Variants in XPR1 observed in about 807,000 individuals in gnomAD.
XPR1 encodes the protein solute carrier family 53 member 1.
In XPR1, 28 loss-of-function variants were observed where a neutral mutation model predicts 87.5. The observed-to-expected ratio is 0.32, with a 90% confidence interval of 0.24 to 0.44. The LOEUF (loss-of-function observed/expected upper bound fraction) is 0.44, where lower values mean the gene tolerates loss of function less well. Ranked by LOEUF, XPR1 falls within the 20% of genes least tolerant of loss-of-function variation. The pLI, the probability that XPR1 is intolerant of heterozygous loss-of-function variation, is 1.00. For synonymous variants in XPR1, 300 were observed against 306.1 expected (o/e 0.98, Z 0.21); for missense variants, 559 against 862.3 (o/e 0.65, Z 4.41).
At chr1:180,773,955 T>G (rs1267675228) in intron 2 of XPR1, among the ~76,000 whole-genome samples, 1 of 152,218 alleles carries the variant, frequency 6.6e-6, no homozygotes, top group Non-Finnish European at 1.5e-5. Flanking sequence ...TCACTAAACT[T>G]TTTTTAAAAA....
intron 2 of XPR1, among the ~76,000 whole-genome samples, chr1:180,726,360 C>G (rs1285445416): frequency 6.6e-6 from 1 of 152,180 alleles, no homozygotes; most frequent in African/African-American, 2.4e-5. Flanking sequence ...TTCTTTCTCT[C>G]TTCACAATAA....
At chr1:180,729,010 G>A (rs1010662554) in intron 2 of XPR1, among the ~76,000 whole-genome samples, 3 of 152,130 alleles carry the variant, frequency 2.0e-5, no homozygotes, top group East Asian at 3.8e-4. Flanking sequence ...CCACCCTCAA[G>A]TAGGCCCCAG....
At chr1:180,698,562 TC>T (rs1657246037) in intron 2 of XPR1, among the ~76,000 whole-genome samples, 1 of 152,192 alleles carries the variant, frequency 6.6e-6, no homozygotes, top group African/African-American at 2.4e-5. Context: ...AACATTTGTC[TC>T]CATTTTCTTT....
chr1:180,637,698 C>T (rs988301025), intron 1 of XPR1, among the ~76,000 whole-genome samples: 3 of 152,070 alleles, frequency 2.0e-5, no homozygotes, highest in South Asian at 2.1e-4. Flanking sequence ...GCATTACAGG[C>T]GCGCGCAACT....
At chr1:180,637,821 T>C (rs1359195361) in intron 1 of XPR1, among the ~76,000 whole-genome samples, 1 of 152,230 alleles carries the variant, frequency 6.6e-6, no homozygotes, top group East Asian at 1.9e-4. Flanking sequence ...CCCAAAGTGC[T>C]GGGATTACAG....
intron 2 of XPR1, among the ~76,000 whole-genome samples, chr1:180,722,889 C>T (rs1658221085): frequency 6.6e-6 from 1 of 152,110 alleles, no homozygotes; most frequent in Admixed American, 6.6e-5. Context: ...AATATGAATG[C>T]ATTTCATTTT....
intron 2 of XPR1, among the ~76,000 whole-genome samples, chr1:180,732,889 G>A (rs1658604802): frequency 6.6e-6 from 1 of 152,200 alleles, no homozygotes; most frequent in African/African-American, 2.4e-5. Context: ...ATTGAGTGGA[G>A]GTAGCCCTCA....
Position 180,853,789 on chromosome 1 carries a change from T to TG in XPR1, c.1502-9917dup, listed in dbSNP as rs199512781. On this transcript the variant is annotated intron_variant, in intron 11 of 14. Coordinates refer to ENST00000367590, the MANE Select transcript of XPR1 (RefSeq NM_004736.4). ...TGGCACAAATAATAGTGCATTCATG[T>TG]GGTTTTTTTTTTTTTTTTTTTGTAT... 1.2e-3 allele frequency among the ~76,000 whole-genome samples: 128 copies of TG among 103,400 alleles called. 2 individuals are homozygous for TG. The highest frequency in any genetic ancestry group is 4.1e-3 in the African/African-American group (123 of 30,248). The allele number at this position is 103,400 out of a possible 152,430, so 67.8% of individuals were successfully genotyped here.
chr1:180,750,408 T>C (rs1167075314), intron 2 of XPR1, among the ~76,000 whole-genome samples: 1 of 152,174 alleles, frequency 6.6e-6, no homozygotes, highest in Non-Finnish European at 1.5e-5. Flanking sequence ...AGTAAGCCTT[T>C]ACACGTTTTT....
intron 1 of XPR1, among the ~76,000 whole-genome samples, chr1:180,650,989 A>C (rs1419838525): frequency 1.3e-5 from 2 of 152,212 alleles, no homozygotes; most frequent in Admixed American, 1.3e-4. Flanking sequence ...TTTTTAAGTC[A>C]ACAGATATTT....
intron 2 of XPR1, among the ~76,000 whole-genome samples, chr1:180,753,426 C>T (rs773404031): frequency 1.3e-5 from 2 of 151,852 alleles, no homozygotes; most frequent in South Asian, 2.1e-4. Flanking sequence ...CATGGTGGTG[C>T]GCCTGTAGTC....
intron 2 of XPR1, among the ~76,000 whole-genome samples, chr1:180,715,148 T>G (rs777711452): frequency 1.3e-5 from 2 of 152,226 alleles, no homozygotes; most frequent in Non-Finnish European, 2.9e-5. Context: ...AGTATATGGT[T>G]GTTTGAATGT....
chr1:180,817,359 T>C (rs186386261), intron 7 of XPR1, among the ~76,000 whole-genome samples: 136 of 152,302 alleles, frequency 8.9e-4, no homozygotes, highest in Non-Finnish European at 2.1e-4. Context: ...AAGTCCGCAA[T>C]AGTGTAATGT....
chr1:180,660,301 G>T (rs6659368), intron 1 of XPR1, among the ~76,000 whole-genome samples: 111,751 of 151,906 alleles, frequency 0.74, 41,573 homozygotes, highest in African/African-American at 0.8. Context: ...GTTTATCTTT[G>T]CAAAAGACCA....
intron 6 of XPR1, among the ~76,000 whole-genome samples, chr1:180,810,047 T>C (rs184938842): frequency 6.6e-6 from 1 of 152,290 alleles, no homozygotes; most frequent in African/African-American, 2.4e-5. Flanking sequence ...AAAAATTTTA[T>C]AACATTCACA....
At chr1:180,763,035 G>A (rs768579323) in intron 2 of XPR1, among the ~76,000 whole-genome samples, 17 of 152,172 alleles carry the variant, frequency 1.1e-4, no homozygotes, top group Non-Finnish European at 1.9e-4. Flanking sequence ...TATGACAACC[G>A]GAAGATTTTG....
chr1:180,829,970 T>G (rs1166658486), intron 9 of XPR1, among the ~76,000 whole-genome samples: 1 of 151,740 alleles, frequency 6.6e-6, no homozygotes, highest in African/African-American at 2.4e-5. Context: ...GTTGGCAGAG[T>G]ATGAGAGTAA....
intron 2 of XPR1, among the ~76,000 whole-genome samples, chr1:180,763,707 ATATT>A (rs1648144285): frequency 6.6e-6 from 1 of 152,218 alleles, no homozygotes; most frequent in African/African-American, 2.4e-5. Context: ...AGAACAAGAT[ATATT>A]GGTCAGCTTA....
In XPR1 at chr1:180,890,204, A is replaced by C. The variant is rs1180913520; in HGVS notation, c.*6138A>C. On this transcript the variant is annotated 3_prime_UTR_variant, in exon 15 of 15. Transcript: ENST00000367590. ...TAAAGAAAATAAGTGATTGGTCACT[A>C]AACTCTGTCCTTTTTTCATTATTAC... 6.6e-6 allele frequency: 1 copy of C among 152,232 alleles called. No homozygotes were observed. The highest frequency in any genetic ancestry group is 1.5e-5 in the Non-Finnish European group (1 of 68,038). 9.4% of individuals were successfully genotyped at this position (152,232 alleles called of 1,614,324 possible).
Sources: gnomAD v4.1 joint callset for allele counts (sites outside exome capture counted in the v4.1 genomes callset) on GRCh38, gnomAD v4.1.1 for gene constraint, MANE v1.5 for transcripts, NCBI Gene and HGNC (gene_info 2026-07-23, HGNC 2026-07-21) for gene names.